The following ERICH1 variants were observed in gnomAD, a reference collection of about 807,000 sequenced individuals.
ERICH1 encodes glutamate-rich protein 1.
A neutral mutation model predicts 39.6 loss-of-function variants in ERICH1; 56 were observed. The observed-to-expected ratio is 1.41, with a 90% CI of 1.14 to 1.77. The LOEUF is 1.77. Among genes scored for constraint, ERICH1 ranks in the 40% most tolerant of loss-of-function variants. ERICH1 has a pLI of 0.00. For synonymous variants in ERICH1, 313 were observed against 223.6 expected, an observed-to-expected ratio of 1.40 and a Z score of -3.57; for missense variants, 826 against 575.4, an observed-to-expected ratio of 1.44 and a Z score of -4.45.
intron 3 of ERICH1, among the ~76,000 whole-genome samples, chr8:628,898 C>A (rs1000212654): frequency 2.0e-5 from 3 of 152,170 alleles, no homozygotes; most frequent in Non-Finnish European, 2.9e-5. Context: ...CTTCCGCTCA[C>A]GAACCTCGGG....
intron 3 of ERICH1, among the ~76,000 whole-genome samples, chr8:655,717 T>C (rs1181928747): frequency 6.6e-6 from 1 of 150,750 alleles, no homozygotes; most frequent in Non-Finnish European, 1.5e-5. Context: ...CTTTCCTTCC[T>C]CTGTGCCCCA....
chr8:701,571 C>T (rs1414790275), intron 2 of ERICH1, among the ~76,000 whole-genome samples: 1 of 152,194 alleles, frequency 6.6e-6, no homozygotes, highest in Non-Finnish European at 1.5e-5. Context: ...GAAACTGCAG[C>T]GTCAGGTGAG....
chr8:695,114 GCTC>G (rs1158457674), intron 2 of ERICH1, among the ~76,000 whole-genome samples: 2 of 152,058 alleles, frequency 1.3e-5, no homozygotes, highest in African/African-American at 2.4e-5. Context: ...CATTGACCTG[GCTC>G]CTTTCTCCCC....
chr8:703,624 G>A (rs779999015), intron 2 of ERICH1, among the ~76,000 whole-genome samples: 1 of 152,210 alleles, frequency 6.6e-6, no homozygotes, highest in Non-Finnish European at 1.5e-5. Flanking sequence ...CCTGTCCATA[G>A]AGAGTGTGAG....
intron 3 of ERICH1, among the ~76,000 whole-genome samples, chr8:677,789 C>T (rs73670367): frequency 0.12 from 17,811 of 152,196 alleles, 1,360 homozygotes; most frequent in East Asian, 0.34. Flanking sequence ...TTCCCACCCA[C>T]AGGAAGCCCC....
chr8:620,095 C>T (rs963088593), intron 3 of ERICH1, among the ~76,000 whole-genome samples: 13 of 152,160 alleles, frequency 8.5e-5, no homozygotes, highest in Admixed American at 1.3e-4. Context: ...GGGTGGATCA[C>T]GAGGTCAGGA....
chr8:625,348 G>A (rs1242581181), intron 3 of ERICH1, among the ~76,000 whole-genome samples: 2 of 152,184 alleles, frequency 1.3e-5, no homozygotes, highest in East Asian at 1.9e-4. Context: ...AAACCACGAC[G>A]CTGAGTTAAA....
intron 3 of ERICH1, among the ~76,000 whole-genome samples, chr8:655,736 C>A (rs1375458632): frequency 6.6e-6 from 1 of 151,390 alleles, no homozygotes; most frequent in Non-Finnish European, 1.5e-5. Flanking sequence ...CACTTCCATT[C>A]CACTCCTCTC....
downstream of ERICH1, among the ~76,000 whole-genome samples, chr8:661,591 A>T (rs1328292114): frequency 6.6e-6 from 1 of 152,240 alleles, no homozygotes; most frequent in East Asian, 1.9e-4. Flanking sequence ...ATTTTGCACT[A>T]TTGTAGAAGA....
intron 3 of ERICH1, among the ~76,000 whole-genome samples, chr8:628,031 G>A (rs1797699365): frequency 6.6e-6 from 1 of 152,200 alleles, no homozygotes; most frequent in African/African-American, 2.4e-5. Context: ...GGAGTGAGAA[G>A]CCAGCGGCCC....
At position 648,310 on chromosome 8, in the gene ERICH1, C is replaced by T; in HGVS notation, c.976+20288G>A. Among the ~76,000 whole-genome samples, 2 of 64,614 alleles carry T rather than the reference C, an allele frequency of 3.1e-5. 1 individual carries two copies. The highest frequency in any genetic ancestry group is 9.4e-5 in the Non-Finnish European group (2 of 21,336). The allele number at this position is 64,614 out of a possible 152,430, so 42.4% of individuals were successfully genotyped here. A position where few individuals can be genotyped will look rare whatever the true frequency, so the allele number is the denominator to read the frequency against. Reference sequence around the variant, plus strand: ...ATCGTGACAGCAGCCCAAGATGGACCCACACAATCATCCTGTGTACTTTAA... The same window carrying T: ...ATCGTGACAGCAGCCCAAGATGGACTCACACAATCATCCTGTGTACTTTAA... On this transcript the variant is annotated intron_variant, in intron 3 of 3. Transcript: ENST00000522706.
chr8:642,731 G>A (rs774904229), intron 3 of ERICH1, among the ~76,000 whole-genome samples: 2 of 152,100 alleles, frequency 1.3e-5, no homozygotes, highest in African/African-American at 2.4e-5. Flanking sequence ...TTGATCTTGT[G>A]AGGCGCTGGC....
At chr8:642,489 C>G (rs1323484410) in intron 3 of ERICH1, among the ~76,000 whole-genome samples, 1 of 151,958 alleles carries the variant, frequency 6.6e-6, no homozygotes, top group Non-Finnish European at 1.5e-5. Flanking sequence ...GGACTACAGG[C>G]ACCAGCCACC....
chr8:616,868 G>C (rs112476871), intron 3 of ERICH1, among the ~76,000 whole-genome samples: 8,002 of 107,002 alleles, frequency 0.075, 1,396 homozygotes, highest in Non-Finnish European at 0.083. Flanking sequence ...GACAGAGAGA[G>C]AGAGGGAGAG....
chr8:641,872 C>A (rs988892826), intron 3 of ERICH1, among the ~76,000 whole-genome samples: 1 of 152,208 alleles, frequency 6.6e-6, no homozygotes, highest in Non-Finnish European at 1.5e-5. Flanking sequence ...TGCCTCTGGC[C>A]GTATGCAGTC....
intron 3 of ERICH1, among the ~76,000 whole-genome samples, chr8:686,306 C>T (rs1441597447): frequency 6.6e-6 from 1 of 152,194 alleles, no homozygotes; most frequent in Non-Finnish European, 1.5e-5. Context: ...TAAGGATACA[C>T]CACTATCTAG....
intron 3 of ERICH1, among the ~76,000 whole-genome samples, chr8:690,280 C>T (rs917489881): frequency 1.3e-5 from 2 of 152,200 alleles, no homozygotes; most frequent in African/African-American, 4.8e-5. Flanking sequence ...AGAGATTACC[C>T]AAAGAACACA....
rs1801852450 is a variant in ERICH1, at chr8:664,244, C to T, written c.*359G>A. On this transcript the variant is annotated 3_prime_UTR_variant, in exon 6 of 6. Coordinates refer to ENST00000262109, the MANE Select transcript of ERICH1 (RefSeq NM_207332.3). ...TAATACCCAGAAAGCATTCTTAAAG[C>T]AGAGACTTTCAGATACAAGGTGATT... 7.0e-6 allele frequency: 7 copies of T among 997,320 alleles called. No individual in the cohort carries two copies. The highest frequency in any genetic ancestry group is 8.4e-6 in the Non-Finnish European group (7 of 838,164). 61.8% of individuals were successfully genotyped at this position (997,320 alleles called of 1,614,324 possible).
At chr8:625,931 C>T (rs1797576307) in intron 3 of ERICH1, 1 of 152,230 alleles carries the variant, frequency 6.6e-6, no homozygotes, top group Admixed American at 6.5e-5. Context: ...CAGATTTCTT[C>T]ATGCCGTAAA....
Sources: gnomAD v4.1 joint callset for allele counts (sites outside exome capture counted in the v4.1 genomes callset) on GRCh38, gnomAD v4.1.1 for gene constraint, MANE v1.5 for transcripts, NCBI Gene and HGNC (gene_info 2026-07-23, HGNC 2026-07-21) for gene names.